The following CFAP47 variants were observed in gnomAD, a reference collection of about 807,000 sequenced individuals.
CFAP47 encodes the protein cilia- and flagella-associated protein 47.
CFAP47 carries 29 observed loss-of-function variants against 148.1 expected under a neutral mutation model. The ratio of observed to expected loss-of-function variants is 0.20; its 90% CI spans 0.15 to 0.27. The LOEUF is 0.27. Ranked by LOEUF, CFAP47 falls within the 10% of genes least tolerant of loss-of-function variation. The pLI is 1.00. For missense variants in CFAP47, 1,872 were observed against 1,697.5 expected (o/e 1.10, Z -1.81); for synonymous variants, 664 against 577.3 (o/e 1.15, Z -2.15).
chrX:36,326,672 T>A (rs1042582224), intron 57 of CFAP47, among the ~76,000 whole-genome samples: 1 of 111,983 alleles, frequency 8.9e-6, no homozygotes, highest in Non-Finnish European at 1.9e-5. Flanking sequence ...TTGAGAGAGA[T>A]GATTTAGCGT....
intron 3 of CFAP47, among the ~76,000 whole-genome samples, chrX:35,945,971 C>T (rs1440220255): frequency 9.5e-6 from 1 of 105,507 alleles, no homozygotes; most frequent in Non-Finnish European, 1.9e-5. Context: ...CTCCCAGGCT[C>T]AACCGATTTT....
chrX:36,275,958 A>T (rs782005348), intron 49 of CFAP47, among the ~76,000 whole-genome samples: 229 of 110,800 alleles, frequency 2.1e-3, no homozygotes, highest in African/African-American at 7.2e-3. Flanking sequence ...TTTAATCTAA[A>T]GTAATCCATT....
In CFAP47 at chrX:36,134,438, A is replaced by C. The variant is rs183751863; in HGVS notation, c.5321-3520A>C. On this transcript the variant is annotated intron_variant, in intron 33 of 63. Transcript: ENST00000378653. Reference sequence around the variant, plus strand: ...TGACAAAAGAATAGATGTGTAGATCAAAAGAATAGAATTGAGAGGCAAGGA... The same window carrying C: ...TGACAAAAGAATAGATGTGTAGATCCAAAGAATAGAATTGAGAGGCAAGGA... Among the ~76,000 whole-genome samples, 423 of 79,331 alleles carry C rather than the reference A, an allele frequency of 5.3e-3. 2 individuals carry two copies. Among genetic ancestry groups the C allele is most frequent in the African/African-American group, 0.017 (371 of 21,836 alleles). The allele number at this position is 79,331 out of a possible 115,157, so 68.9% of individuals were successfully genotyped here.
chrX:36,229,751 C>T (rs1555992107), intron 46 of CFAP47, among the ~76,000 whole-genome samples: 1 of 98,691 alleles, frequency 1.0e-5, no homozygotes, highest in Admixed American at 1.1e-4. Flanking sequence ...CTAAAGCTAT[C>T]TCTCCCCCCT....
intron 50 of CFAP47, among the ~76,000 whole-genome samples, chrX:36,283,308 A>G (rs151044769): frequency 0.035 from 3,889 of 111,609 alleles, 64 homozygotes; most frequent in Non-Finnish European, 0.055. Context: ...TCATCAATAA[A>G]TCATTCACCA....
chrX:36,093,753 TAC>T (rs961193158), intron 30 of CFAP47, among the ~76,000 whole-genome samples: 2 of 111,809 alleles, frequency 1.8e-5, no homozygotes, highest in Non-Finnish European at 3.8e-5. Context: ...GATATTTTTC[TAC>T]AGAGTTGTTT....
chrX:36,147,297 T>C (rs984607567), intron 36 of CFAP47, among the ~76,000 whole-genome samples: 38 of 111,839 alleles, frequency 3.4e-4, no homozygotes, highest in African/African-American at 1.2e-3. Context: ...CTCTTCTTCC[T>C]ATCTACTCCT....
chrX:36,361,235 A>G (rs782305284), intron 60 of CFAP47, 95 bp from the exon 61 acceptor site: 2 of 463,532 alleles, frequency 4.3e-6, no homozygotes, highest in African/African-American at 5.0e-5. Context: ...CCCTTTCTCT[A>G]AATACCTGTG....
chrX:36,376,932 T>C, intron 62 of CFAP47, among the ~76,000 whole-genome samples: 1 of 110,371 alleles, frequency 9.1e-6, no homozygotes, highest in East Asian at 2.9e-4. Flanking sequence ...GCTTCATCCG[T>C]GTCCCTACAA....
intron 35 of CFAP47, among the ~76,000 whole-genome samples, chrX:36,142,272 A>G (rs953420557): frequency 1.8e-5 from 2 of 111,432 alleles, no homozygotes; most frequent in African/African-American, 6.5e-5. Flanking sequence ...GGCCCAGGAA[A>G]TTCAATTGTC....
chrX:36,115,201 C>T (rs1938619091), intron 33 of CFAP47, among the ~76,000 whole-genome samples: 1 of 111,488 alleles, frequency 9.0e-6, no homozygotes. Flanking sequence ...ATATGGTTTT[C>T]ACATTTGTTT....
At chrX:36,329,961 T>C (rs1941550583) in intron 57 of CFAP47, among the ~76,000 whole-genome samples, 1 of 112,277 alleles carries the variant, frequency 8.9e-6, no homozygotes, top group African/African-American at 3.2e-5. Context: ...TTTATTTTGC[T>C]AAATTCTTAT....
intron 60 of CFAP47, among the ~76,000 whole-genome samples, chrX:36,357,250 C>A (rs1306621042): frequency 8.9e-6 from 1 of 111,786 alleles, no homozygotes; most frequent in Non-Finnish European, 1.9e-5. Flanking sequence ...ATACTTTTTC[C>A]CTTCTTGAGA....
chrX:36,362,702 A>G (rs1200701362), intron 61 of CFAP47, among the ~76,000 whole-genome samples: 1 of 111,957 alleles, frequency 8.9e-6, no homozygotes, highest in African/African-American at 3.2e-5. Context: ...ATACCCAATA[A>G]TGGGATTGCT....
rs758335476 is a variant in CFAP47, at chrX:36,104,601, A to G, written c.5230A>G (p.Ile1744Val). Residue 1744 changes from isoleucine (I) to valine (V), a missense_variant, in exon 33 of 64, where the codon ATA (isoleucine) becomes GTA (valine). Transcript: ENST00000378653. Reference sequence around the variant, plus strand: ...CAATCCTTGTTTTGCATCCAGCAACATATATTCTGATTCTGAAAGAATTTT... The same window carrying G: ...CAATCCTTGTTTTGCATCCAGCAACGTATATTCTGATTCTGAAAGAATTTT... ...KVNPCFASSN[I>V]YSDSERILLS... 2.5e-5 allele frequency: 23 copies of G among 917,619 alleles called. 1 individual carries two copies. In the South Asian group the frequency reaches 4.5e-4, roughly 18 times the overall value. 75.6% of individuals were successfully genotyped at this position (917,619 alleles called of 1,213,427 possible). A position where few individuals can be genotyped will look rare whatever the true frequency, so the allele number is the denominator to read the frequency against.
At chrX:36,250,397 A>G (rs782801625) in intron 48 of CFAP47, among the ~76,000 whole-genome samples, 20 of 110,789 alleles carry the variant, frequency 1.8e-4, no homozygotes, top group African/African-American at 3.9e-4. Context: ...GGTGGTTATC[A>G]GGAGCTGATG....
intron 57 of CFAP47, among the ~76,000 whole-genome samples, chrX:36,332,527 A>T (rs782500837): frequency 9.0e-6 from 1 of 111,307 alleles, no homozygotes; most frequent in South Asian, 3.8e-4. Context: ...TTCTATGAAA[A>T]CATTCATTTT....
intron 35 of CFAP47, among the ~76,000 whole-genome samples, chrX:36,140,813 G>A (rs1939125347): frequency 9.0e-6 from 1 of 111,474 alleles, no homozygotes; most frequent in African/African-American, 3.3e-5. Flanking sequence ...TCTTTTTGGA[G>A]AATCCTGCCA....
intron 12 of CFAP47, 41 bp from the exon 13 acceptor site, chrX:35,971,828 G>C: frequency 8.4e-7 from 1 of 1,185,281 alleles, no homozygotes; most frequent in Non-Finnish European, 1.1e-6. Context: ...AATAGCTTTT[G>C]CTAATAATGA....
Sources: gnomAD v4.1 joint callset for allele counts (sites outside exome capture counted in the v4.1 genomes callset) on GRCh38, gnomAD v4.1.1 for gene constraint, MANE v1.5 for transcripts, NCBI Gene and HGNC (gene_info 2026-07-23, HGNC 2026-07-21) for gene names.